TGM5: variants seen among roughly 807,000 people sequenced by gnomAD.
The protein encoded by TGM5 is protein-glutamine gamma-glutamyltransferase 5.
Under a neutral mutation model 77.2 loss-of-function variants are expected in TGM5, and 69 were observed. That is an observed-to-expected ratio of 0.89 (90% confidence interval 0.74 to 1.09). TGM5 has a LOEUF of 1.09. TGM5 is among the 50% of genes least tolerant of loss of function. TGM5 has a pLI of 0.00. For synonymous variants in TGM5, 346 were observed against 351.8 expected (o/e 0.98, Z 0.18); for missense variants, 842 against 896.5 (o/e 0.94, Z 0.78).
At chr15:43,247,352 C>T (rs940837061) in intron 6 of TGM5, among the ~76,000 whole-genome samples, 1 of 151,886 alleles carries the variant, frequency 6.6e-6, no homozygotes, top group African/African-American at 2.4e-5. Flanking sequence ...AAAAATTAAT[C>T]AATAGAACCA....
At chr15:43,259,026 G>A (rs181436816) in intron 3 of TGM5, among the ~76,000 whole-genome samples, 1 of 152,280 alleles carries the variant, frequency 6.6e-6, no homozygotes, top group East Asian at 1.9e-4. Context: ...AGGGCTCTGG[G>A]TCCTGATGTG....
rs1017066631 is a variant in TGM5 at position 43,235,953 on chromosome 15, G to A, written c.1346-116C>T. 7 of 1,409,626 alleles carry A rather than the reference G, an allele frequency of 5.0e-6. No individual in the cohort carries two copies. In the African/African-American group the frequency reaches 9.8e-5, roughly 20 times the overall value. The allele number at this position is 1,409,626 out of a possible 1,614,324, so 87.3% of individuals were successfully genotyped here. ...CAACAACTTCAGGCCTTCACTCCCA[G>A]TAACAAGCACTCCCTCCACTCCTCA... On this transcript the variant is annotated intron_variant, in intron 9 of 12. Coordinates refer to ENST00000220420, the MANE Select transcript of TGM5 (RefSeq NM_201631.4).
At chr15:43,253,942 C>T (rs531388198) in intron 4 of TGM5, among the ~76,000 whole-genome samples, 14 of 150,102 alleles carry the variant, frequency 9.3e-5, no homozygotes, top group Admixed American at 7.9e-4. Context: ...CTCCTCCTCT[C>T]CTCTCAGTTC....
At chr15:43,240,783 C>T in intron 7 of TGM5, 69 bp downstream of exon 7, 2 of 1,606,352 alleles carry the variant, frequency 1.2e-6, no homozygotes, top group South Asian at 1.1e-5. Context: ...CTCGTTCTGC[C>T]CTTCCTCCTG....
intron 3 of TGM5, among the ~76,000 whole-genome samples, chr15:43,259,370 G>A (rs2042767992): frequency 6.6e-6 from 1 of 151,516 alleles, no homozygotes; most frequent in Non-Finnish European, 1.5e-5. Context: ...AAAATATCTG[G>A]TGCATCCAAA....
At chr15:43,243,053 A>G (rs915147595) in intron 6 of TGM5, among the ~76,000 whole-genome samples, 6 of 152,194 alleles carry the variant, frequency 3.9e-5, no homozygotes, top group African/African-American at 1.4e-4. Context: ...TAGTGGTGTC[A>G]ACTCCTGCTA....
At chr15:43,257,878 C>T (rs942837739) in intron 3 of TGM5, among the ~76,000 whole-genome samples, 2 of 152,154 alleles carry the variant, frequency 1.3e-5, no homozygotes, top group Non-Finnish European at 2.9e-5. Context: ...CACATATACA[C>T]CATGGAATAC....
chr15:43,262,591 C>G (rs2042797373), intron 1 of TGM5, among the ~76,000 whole-genome samples: 1 of 152,058 alleles, frequency 6.6e-6, no homozygotes. Flanking sequence ...TCAAGACCAG[C>G]CTGGCTAAGA....
In TGM5 at chr15:43,233,309, ATGCT is replaced by A. The variant is rs2042560849; in HGVS notation, c.2041_2044del (p.Ile682PhefsTer18). 1.9e-6 allele frequency: 3 copies of A among 1,614,104 alleles called. No homozygotes were observed. The East Asian group carries it at 6.7e-5, about 36-fold the overall frequency. ...CTTGAAGGGGACGGTCTCCAGAATG[ATGCT>A]TGCTTGGTGTTGGGGTTTGAGGACT... On this transcript the variant is annotated frameshift_variant, in exon 13 of 13. Coordinates refer to ENST00000220420, the MANE Select transcript of TGM5 (RefSeq NM_201631.4). LOFTEE classifies it high-confidence loss of function.
intron 3 of TGM5, among the ~76,000 whole-genome samples, chr15:43,259,832 T>C (rs2042771389): frequency 6.6e-6 from 1 of 152,266 alleles, no homozygotes; most frequent in Non-Finnish European, 1.5e-5. Context: ...TTTTTCTGTT[T>C]AAGCAAAGAT....
intron 4 of TGM5, among the ~76,000 whole-genome samples, chr15:43,254,184 T>C (rs964736955): frequency 6.6e-6 from 1 of 152,218 alleles, no homozygotes. Context: ...TTGGTGTGAA[T>C]GCCACTCCCT....
intron 6 of TGM5, among the ~76,000 whole-genome samples, chr15:43,252,453 G>C (rs1257734911): frequency 6.6e-6 from 1 of 152,136 alleles, no homozygotes; most frequent in East Asian, 1.9e-4. Context: ...GAGTAGCTGG[G>C]ATTACAGGTG....
intron 4 of TGM5, among the ~76,000 whole-genome samples, chr15:43,254,256 C>T (rs537915941): frequency 2.0e-5 from 3 of 152,330 alleles, no homozygotes; most frequent in Admixed American, 6.5e-5. Context: ...GTGCCCTCTC[C>T]GCGTGAGACT....
chr15:43,263,732 G>C (rs1566838240), intron 1 of TGM5, among the ~76,000 whole-genome samples: 2 of 152,220 alleles, frequency 1.3e-5, no homozygotes, highest in Non-Finnish European at 1.5e-5. Context: ...ATAGAGGTAA[G>C]TCTTTGTGAT....
intron 4 of TGM5, among the ~76,000 whole-genome samples, chr15:43,255,811 A>G (rs1004353161): frequency 2.6e-5 from 4 of 152,170 alleles, no homozygotes; most frequent in African/African-American, 4.8e-5. Flanking sequence ...TTGAAATGAG[A>G]GGCAGGCTTT....
At chr15:43,233,519 A>C in intron 12 of TGM5, 35 bp downstream of exon 12, 1 of 1,613,972 alleles carries the variant, frequency 6.2e-7, no homozygotes, top group South Asian at 1.1e-5. Flanking sequence ...TCAGGGGGGA[A>C]AAACAGGAGA....
chr15:43,247,518 C>CA (rs370917236), intron 6 of TGM5, among the ~76,000 whole-genome samples: 2,218 of 138,112 alleles, frequency 0.016, 39 homozygotes, highest in African/African-American at 0.054. Flanking sequence ...AAGCTGACCT[C>CA]AAAAAAAAAA....
intron 6 of TGM5, among the ~76,000 whole-genome samples, chr15:43,246,429 T>C (rs574672399): frequency 6.6e-5 from 10 of 152,340 alleles, no homozygotes; most frequent in African/African-American, 2.4e-4. Flanking sequence ...ATAAGTCGTA[T>C]TGACAGCAGG....
At chr15:43,251,871 T>C (rs1224195062) in intron 6 of TGM5, among the ~76,000 whole-genome samples, 3 of 152,254 alleles carry the variant, frequency 2.0e-5, no homozygotes, top group Admixed American at 1.3e-4. Context: ...TCTACTAATG[T>C]AGTATCCATT....
Sources: gnomAD v4.1 joint callset for allele counts (sites outside exome capture counted in the v4.1 genomes callset) on GRCh38, gnomAD v4.1.1 for gene constraint, MANE v1.5 for transcripts, NCBI Gene and HGNC (gene_info 2026-07-23, HGNC 2026-07-21) for gene names.